CAPN14: variants seen among roughly 807,000 people sequenced by gnomAD.
CAPN14 encodes calpain 14.
In CAPN14, 94 loss-of-function variants were observed where a neutral mutation model predicts 101.3. The ratio of observed to expected loss-of-function variants is 0.93; its 90% CI spans 0.79 to 1.10. The LOEUF is 1.10. Among genes scored for constraint, CAPN14 ranks in the 50% least tolerant of loss-of-function variants. CAPN14 has a pLI of 0.00. For missense variants in CAPN14, 837 were observed against 828.4 expected (o/e 1.01, Z -0.13); for synonymous variants, 338 against 317.9 (o/e 1.06, Z -0.67).
chr2:31,208,867 T>C (rs1682244881), intron 1 of CAPN14, among the ~76,000 whole-genome samples: 1 of 151,990 alleles, frequency 6.6e-6, no homozygotes, highest in Non-Finnish European at 1.5e-5. Context: ...CTCGAGCTAT[T>C]TAAGAATGTG....
chr2:31,229,360 C>T (rs999846078), intron 1 of CAPN14, among the ~76,000 whole-genome samples: 1 of 152,028 alleles, frequency 6.6e-6, no homozygotes, highest in Admixed American at 6.6e-5. Flanking sequence ...TTGTCTTGAA[C>T]CACAGTTATG....
intron 7 of CAPN14, among the ~76,000 whole-genome samples, chr2:31,198,117 G>T (rs559680613): frequency 2.7e-4 from 41 of 152,292 alleles, no homozygotes; most frequent in African/African-American, 9.6e-4. Flanking sequence ...GGGCAAACCT[G>T]CCTCTCATTC....
At chr2:31,185,191 C>T (rs551027845) in intron 16 of CAPN14, among the ~76,000 whole-genome samples, 17 of 152,272 alleles carry the variant, frequency 1.1e-4, no homozygotes, top group African/African-American at 4.1e-4. Context: ...GGGAAATGAA[C>T]AGGACCAAGG....
intron 11 of CAPN14, 35 bp downstream of exon 11, chr2:31,191,900 G>T (rs1326513936): frequency 4.0e-6 from 6 of 1,505,878 alleles, no homozygotes; most frequent in African/African-American, 2.8e-5. Context: ...CCCCACGCTT[G>T]GTCCCATGCC....
intron 1 of CAPN14, among the ~76,000 whole-genome samples, chr2:31,206,010 A>C (rs1220197378): frequency 2.7e-5 from 4 of 145,572 alleles, no homozygotes; most frequent in South Asian, 2.2e-4. Flanking sequence ...ACCTCCTCCT[A>C]CATTATCTTT....
chr2:31,200,769 A>G, intron 5 of CAPN14, 144 bp from the exon 6 acceptor site: 2 of 738,594 alleles, frequency 2.7e-6, no homozygotes, highest in Non-Finnish European at 2.1e-6. Flanking sequence ...ATAGTTTCCA[A>G]TACCATACCC....
chr2:31,217,965 T>C (rs1175804076), upstream of CAPN14, among the ~76,000 whole-genome samples: 3 of 152,128 alleles, frequency 2.0e-5, no homozygotes, highest in Non-Finnish European at 2.9e-5. Context: ...TCTTTTATGG[T>C]TGTCAGAGTC....
At chr2:31,176,792 A>G in intron 20 of CAPN14, 150 bp from the exon 21 acceptor site, 4 of 758,018 alleles carry the variant, frequency 5.3e-6, no homozygotes, top group Non-Finnish European at 9.0e-6. Flanking sequence ...ACGCAGCCAC[A>G]TCTATGATAA....
At chr2:31,222,805 C>T (rs751835988) in intron 2 of CAPN14, among the ~76,000 whole-genome samples, 8 of 152,234 alleles carry the variant, frequency 5.3e-5, no homozygotes, top group Middle Eastern at 3.4e-3. Context: ...TGTTTGCGAC[C>T]TCCCAAAATT....
rs748129804 is a variant in CAPN14, at chr2:31,178,571, T to G, written c.1719A>C (p.Ala573=). 1.3e-6 allele frequency: 2 copies of G among 1,537,042 alleles called. No homozygotes were observed. The highest frequency in any genetic ancestry group is 2.8e-5 in the African/African-American group (2 of 72,108). The change falls in exon 18 of 22, where the codon GCA becomes GCC. Residue 573 remains alanine, a synonymous_variant. Coordinates refer to ENST00000403897, the MANE Select transcript of CAPN14 (RefSeq NM_001145122.2). ...QGILALLDLN[A]SGTMSIQEFR... is the part of the protein sequence containing the mutation. ...ATTCCTGGATGCTCATAGTACCTGA[T>G]GCATTAAGCTGATTAATAGGTTAAG...
chr2:31,181,052 C>T, intron 16 of CAPN14, 52 bp from the exon 17 acceptor site: 3 of 1,454,442 alleles, frequency 2.1e-6, no homozygotes, highest in Non-Finnish European at 2.8e-6. Flanking sequence ...GTCTGCACAC[C>T]CCTTTTCTGA....
At chr2:31,200,698 T>A (rs963021151) in intron 5 of CAPN14, 73 bp from the exon 6 acceptor site, 25 of 1,389,072 alleles carry the variant, frequency 1.8e-5, no homozygotes, top group African/African-American at 2.9e-5. Context: ...GGCCTCGGCA[T>A]CCACTTTTAA....
intron 8 of CAPN14, among the ~76,000 whole-genome samples, chr2:31,194,972 G>A (rs1490655838): frequency 6.6e-6 from 1 of 152,186 alleles, no homozygotes; most frequent in Non-Finnish European, 1.5e-5. Context: ...GATCCCAGGA[G>A]GCTGGAAACA....
intron 6 of CAPN14, 72 bp downstream of exon 6, chr2:31,200,379 G>A (rs62143037): frequency 5.1e-5 from 70 of 1,364,140 alleles, no homozygotes; most frequent in Non-Finnish European, 6.9e-5. Context: ...ACCCAGGTGA[G>A]GGTAGTGGTG....
chr2:31,229,467 T>A (rs1210130972), intron 1 of CAPN14, among the ~76,000 whole-genome samples: 1 of 151,816 alleles, frequency 6.6e-6, no homozygotes, highest in Non-Finnish European at 1.5e-5. Flanking sequence ...CACTATCAAA[T>A]TTGAGGAATA....
At chr2:31,217,763 A>C (rs1336110282), upstream of CAPN14, among the ~76,000 whole-genome samples, 1 of 152,164 alleles carries the variant, frequency 6.6e-6, no homozygotes, top group South Asian at 2.1e-4. Context: ...TCTCACTTCC[A>C]ACCCTGGGGA....
At chr2:31,181,468 CT>C (rs1680619672) in intron 16 of CAPN14, among the ~76,000 whole-genome samples, 1 of 92,950 alleles carries the variant, frequency 1.1e-5, no homozygotes, top group South Asian at 3.4e-4. Context: ...TTCTCTTTTT[CT>C]TTCTTTTCTT....
chr2:31,211,896 G>T (rs1474959377), intron 1 of CAPN14, among the ~76,000 whole-genome samples: 1 of 152,110 alleles, frequency 6.6e-6, no homozygotes, highest in Non-Finnish European at 1.5e-5. Context: ...GTTACCTGGG[G>T]CTAGGAGAGG....
At chr2:31,200,376 T>C in intron 6 of CAPN14, 75 bp downstream of exon 6, 2 of 1,316,130 alleles carry the variant, frequency 1.5e-6, no homozygotes, top group East Asian at 2.6e-5. Context: ...CACACCCAGG[T>C]GAGGGTAGTG....
Sources: allele counts gnomAD v4.1 joint callset (sites outside exome capture counted in the v4.1 genomes callset), GRCh38; gene constraint gnomAD v4.1.1; transcripts MANE v1.5; gene names NCBI Gene and HGNC (gene_info 2026-07-23, HGNC 2026-07-21).